Variants in ZNF468 observed in about 807,000 individuals in gnomAD.
ZNF468 encodes the protein zinc finger protein 468, also known as zinc finger protein ZNF468.
A neutral mutation model predicts 7.2 loss-of-function variants in ZNF468; 8 were observed. That is an observed-to-expected ratio of 1.11 (90% CI 0.65 to 2.01). The LOEUF (loss-of-function observed/expected upper bound fraction) is 2.01, where lower values mean the gene tolerates loss of function less well. Ranked by LOEUF, ZNF468 falls within the 30% of genes most tolerant of loss-of-function variation. The pLI is 0.00. For synonymous variants in ZNF468, 218 were observed against 214.4 expected (o/e 1.02, Z -0.15); for missense variants, 608 against 626.5 (o/e 0.97, Z 0.31).
At chr19:52,853,560 G>A (rs2063408768) in intron 2 of ZNF468, among the ~76,000 whole-genome samples, 1 of 151,988 alleles carries the variant, frequency 6.6e-6, no homozygotes. Flanking sequence ...GCGTGGTGGT[G>A]CACACCTATA....
In ZNF468 at chr19:52,839,343, C is replaced by T; in HGVS notation, c.*1382G>A. On this transcript the variant is annotated 3_prime_UTR_variant, in exon 4 of 4. Coordinates refer to ENST00000595646, the MANE Select transcript of ZNF468 (RefSeq NM_001008801.2). ...TCTCAAACTCGTGAGCTCCAGTGAC[C>T]TACCTGTCTTTGCCTCTCAAAGTGC... 4.8e-6 allele frequency: 1 copy of T among 208,462 alleles called. No individual in the cohort carries two copies. The highest frequency in any genetic ancestry group is 9.9e-6 in the Non-Finnish European group (1 of 101,366). The allele number at this position is 208,462 out of a possible 1,614,324, so 12.9% of individuals were successfully genotyped here. A position where few individuals can be genotyped will look rare whatever the true frequency, so the allele number is the denominator to read the frequency against.
chr19:52,843,565 C>T (rs118102499), intron 3 of ZNF468, among the ~76,000 whole-genome samples: 8 of 151,846 alleles, frequency 5.3e-5, no homozygotes, highest in Admixed American at 3.3e-4. Flanking sequence ...GGAGTGTGTC[C>T]GTTATATTGC....
At chr19:52,844,248 T>C (rs532280442) in intron 3 of ZNF468, among the ~76,000 whole-genome samples, 5 of 152,272 alleles carry the variant, frequency 3.3e-5, no homozygotes, top group African/African-American at 1.2e-4. Flanking sequence ...TACTCGTGAA[T>C]AGGACTAGTG....
chr19:52,843,204 C>G (rs1284932043), intron 3 of ZNF468, among the ~76,000 whole-genome samples: 1 of 149,546 alleles, frequency 6.7e-6, no homozygotes, highest in East Asian at 2.0e-4. Context: ...CCATGTGGAA[C>G]AGTTATGTTG....
At chr19:52,852,925 G>A (rs986308214) in intron 2 of ZNF468, among the ~76,000 whole-genome samples, 3 of 151,342 alleles carry the variant, frequency 2.0e-5, no homozygotes, top group African/African-American at 7.3e-5. Flanking sequence ...TGCAATCTCA[G>A]CTCACTGCAA....
intron 1 of ZNF468, among the ~76,000 whole-genome samples, chr19:52,856,544 C>T (rs1397696509): frequency 1.3e-4 from 18 of 138,370 alleles, no homozygotes; most frequent in African/African-American, 2.6e-4. Flanking sequence ...CCCAATCTGG[C>T]ACCCCAGATC....
rs373657914 is a variant in ZNF468 at position 52,841,907 on chromosome 19, C to A, written c.387G>T (p.Arg129Ser). The change falls in exon 4 of 4, where the codon AGG becomes AGT. Residue 129 changes from arginine (R) to serine (S), a missense_variant. Coordinates refer to ENST00000595646, the MANE Select transcript of ZNF468 (RefSeq NM_001008801.2). ...CTTTAATACGCTTGTTTCCAGCATG[C>A]CTTTGATCATGTTGGCCTGTACTAC... Reference protein sequence around the residue: ...LAGSTGQHDQRHAGNKRIKDQ... With the variant: ...LAGSTGQHDQSHAGNKRIKDQ... The A allele has an allele frequency of 1.2e-6, 2 of 1,613,934 alleles. No individual in the cohort carries two copies. Among genetic ancestry groups the A allele is most frequent in the South Asian group, 1.1e-5 (1 of 91,068 alleles).
Position 52,841,110 on chromosome 19 carries a change from T to G in ZNF468, c.1184A>C (p.Lys395Thr), listed in dbSNP as rs1463933710. 1 of 1,613,952 alleles carries G rather than the reference T, an allele frequency of 6.2e-7. No individual in the cohort carries two copies. Among genetic ancestry groups the G allele is most frequent in the East Asian group, 2.2e-5 (1 of 44,858 alleles). ...CEECDKVFSR[K>T]SHLERHRRIH... ...CCTCCTATGTCTTTCAAGGTGTGAT[T>G]TGCGACTGAAAACTTTGTCACACTC... Residue 395 changes from lysine to threonine, a missense_variant, in exon 4 of 4, where the codon AAA becomes ACA. Coordinates refer to ENST00000595646, the MANE Select transcript of ZNF468 (RefSeq NM_001008801.2).
intron 3 of ZNF468, among the ~76,000 whole-genome samples, chr19:52,847,566 A>C (rs1402103495): frequency 3.3e-5 from 5 of 151,986 alleles, no homozygotes; most frequent in African/African-American, 4.8e-5. Context: ...CTGGGAATGG[A>C]ATGTCTCGGT....
chr19:52,838,697 CAATA>C lies in ZNF468; in HGVS notation c.*2024_*2027del, dbSNP rs2063267940. The stretch of plus-strand genomic sequence containing the variant: ...AATTAGTTGAATTTCCATACATTAA[CAATA>C]AATAATTTTAAAAGAAAATTAAAAA... On this transcript the variant is annotated 3_prime_UTR_variant, in exon 4 of 4. Transcript: ENST00000595646. The C allele has an allele frequency of 6.6e-6, 1 of 151,964 alleles. No individual in the cohort carries two copies. The highest frequency in any genetic ancestry group is 1.5e-5 in the Non-Finnish European group (1 of 67,974). 9.4% of individuals were successfully genotyped at this position (151,964 alleles called of 1,614,324 possible). A position where few individuals can be genotyped will look rare whatever the true frequency, so the allele number is the denominator to read the frequency against.
Position 52,854,298 on chromosome 19 carries a change from C to T in ZNF468, c.-26G>A, listed in dbSNP as rs764796503. On this transcript the variant is annotated 5_prime_UTR_variant, in exon 2 of 4. Coordinates refer to ENST00000595646, the MANE Select transcript of ZNF468 (RefSeq NM_001008801.2). ...CCCTGACTCCTTTGCTTTCCTCTTC[C>T]TCTTCTGGGTTTCTTTCTCACGTAC... The T allele has an allele frequency of 6.2e-7, 1 of 1,613,672 alleles. No homozygotes were observed. Among genetic ancestry groups the T allele is most frequent in the Non-Finnish European group, 8.5e-7 (1 of 1,179,742 alleles).
chr19:52,846,343 C>T (rs762764302), intron 3 of ZNF468, among the ~76,000 whole-genome samples: 1 of 151,968 alleles, frequency 6.6e-6, no homozygotes, highest in Non-Finnish European at 1.5e-5. Context: ...GGGATTACAG[C>T]CACCCACCAC....
chr19:52,854,112 G>C (rs1209157524), intron 2 of ZNF468, 146 bp downstream of exon 2: 1 of 1,569,868 alleles, frequency 6.4e-7, no homozygotes, highest in Non-Finnish European at 8.6e-7. Flanking sequence ...CGGAACCTAA[G>C]CGAGATGAGA....
Position 52,842,054 on chromosome 19 carries a change from A to G in ZNF468, c.240T>C (p.His80=), listed in dbSNP as rs569775000. Residue 80 remains histidine (H), a synonymous_variant, in exon 4 of 4, where the codon CAT becomes CAC. Coordinates refer to ENST00000595646, the MANE Select transcript of ZNF468 (RefSeq NM_001008801.2). ...HTGTLHRQAS[H]HIGEFCFHEI... is the part of the protein sequence containing the mutation. Reference sequence around the variant, plus strand: ...CATGGAAACAAAATTCTCCAATGTGATGACTTGCTTGTCTGTGCAATGTCC... The same window carrying G: ...CATGGAAACAAAATTCTCCAATGTGGTGACTTGCTTGTCTGTGCAATGTCC... 6.2e-7 allele frequency: 1 copy of G among 1,614,038 alleles called. No homozygotes were observed. Among genetic ancestry groups the G allele is most frequent in the East Asian group, 2.2e-5 (1 of 44,870 alleles).
intron 3 of ZNF468, among the ~76,000 whole-genome samples, chr19:52,847,768 T>C (rs973178662): frequency 5.3e-5 from 8 of 152,156 alleles, no homozygotes; most frequent in Admixed American, 2.0e-4. Context: ...TTATTCATGA[T>C]ACAAATTCCT....
intron 2 of ZNF468, among the ~76,000 whole-genome samples, chr19:52,852,608 G>T (rs1034603323): frequency 6.7e-6 from 1 of 150,120 alleles, no homozygotes; most frequent in Non-Finnish European, 1.5e-5. Context: ...CCCAAGAGGC[G>T]GATGTTGCAG....
At position 52,841,238 on chromosome 19, in the gene ZNF468, C is replaced by A; in HGVS notation, c.1056G>T (p.Glu352Asp). 3 of 1,613,876 alleles carry A rather than the reference C, an allele frequency of 1.9e-6. No homozygotes were observed. Among genetic ancestry groups the A allele is most frequent in the Non-Finnish European group, 2.5e-6 (3 of 1,179,982 alleles). The change falls in exon 4 of 4, where the codon GAG becomes GAT. Residue 352 changes from glutamate (E) to aspartate (D), a missense_variant. Physicochemically the swap from Glu to Asp is conservative, Grantham distance 45. Coordinates refer to ENST00000595646, the MANE Select transcript of ZNF468 (RefSeq NM_001008801.2). ...LAKHTILHTGEKPYTCNECGK... is the reference protein window; with the variant it reads ...LAKHTILHTGDKPYTCNECGK... ...CACATTCATTACATGTGTAAGGTTT[C>A]TCTCCAGTGTGAAGTATAGTATGTT...
intron 3 of ZNF468, among the ~76,000 whole-genome samples, chr19:52,845,507 A>C (rs2063335695): frequency 6.6e-6 from 1 of 151,846 alleles, no homozygotes; most frequent in African/African-American, 2.4e-5. Context: ...AAAAATACAA[A>C]AATTAGCTGG....
In ZNF468 at chr19:52,842,070, T is replaced by G; in HGVS notation, c.224A>C (p.His75Pro). 1 of 1,614,028 alleles carries G rather than the reference T, an allele frequency of 6.2e-7. No homozygotes were observed. Among genetic ancestry groups the G allele is most frequent in the Non-Finnish European group, 8.5e-7 (1 of 1,179,950 alleles). ...TCCAATGTGATGACTTGCTTGTCTGTGCAATGTCCCTGTGTGGATCACTTC... is the reference window on the plus strand; with the variant it reads ...TCCAATGTGATGACTTGCTTGTCTGGGCAATGTCCCTGTGTGGATCACTTC... The part of the protein sequence containing the change: ...NTEVIHTGTL[H>P]RQASHHIGEF... Residue 75 changes from histidine to proline, a missense_variant, in exon 4 of 4, where the codon CAC becomes CCC. Physicochemically the swap from His to Pro is moderately conservative, Grantham distance 77. Coordinates refer to ENST00000595646, the MANE Select transcript of ZNF468 (RefSeq NM_001008801.2).
Sources: gnomAD v4.1 joint callset for allele counts (sites outside exome capture counted in the v4.1 genomes callset) on GRCh38, gnomAD v4.1.1 for gene constraint, MANE v1.5 for transcripts, NCBI Gene and HGNC (gene_info 2026-07-23, HGNC 2026-07-21) for gene names.